Variants in COL25A1 observed in about 807,000 individuals in gnomAD.
COL25A1 encodes collagen type XXV alpha 1 chain.
COL25A1 carries 103 observed loss-of-function variants against 128.4 expected under a neutral mutation model. The ratio of observed to expected loss-of-function variants is 0.80; its 90% CI spans 0.68 to 0.94. The LOEUF is 0.94. COL25A1 is among the 40% of genes least tolerant of loss of function. The pLI, the probability that COL25A1 is intolerant of heterozygous loss-of-function variation, is 0.00. For missense variants in COL25A1, 745 were observed against 840.0 expected (o/e 0.89, Z 1.40); for synonymous variants, 279 against 277.2 (o/e 1.01, Z -0.06).
At chr4:109,091,792 C>T (rs1764932500) in intron 3 of COL25A1, among the ~76,000 whole-genome samples, 1 of 151,588 alleles carries the variant, frequency 6.6e-6, no homozygotes, top group South Asian at 2.1e-4. Context: ...CAGAGGGAAT[C>T]CATTTTAATC....
At chr4:109,238,150 G>A (rs1176024099) in intron 3 of COL25A1, among the ~76,000 whole-genome samples, 1 of 151,956 alleles carries the variant, frequency 6.6e-6, no homozygotes, top group Non-Finnish European at 1.5e-5. Flanking sequence ...TTGAGATCCT[G>A]TTTTCATTTC....
At chr4:108,814,176 A>G (rs1273976460) in intron 37 of COL25A1, among the ~76,000 whole-genome samples, 3 of 152,194 alleles carry the variant, frequency 2.0e-5, no homozygotes, top group African/African-American at 7.2e-5. Context: ...ACTGAGAATT[A>G]TCTTTCCTTT....
At chr4:108,841,529 T>TA (rs1734463048) in intron 31 of COL25A1, among the ~76,000 whole-genome samples, 166 bp downstream of exon 31, 1 of 152,222 alleles carries the variant, frequency 6.6e-6, no homozygotes, top group Non-Finnish European at 1.5e-5. Context: ...AAATTTGTTA[T>TA]AAGTCATTTT....
At chr4:109,039,615 C>G (rs796726270) in intron 5 of COL25A1, among the ~76,000 whole-genome samples, 6 of 152,322 alleles carry the variant, frequency 3.9e-5, no homozygotes, top group African/African-American at 1.2e-4. Context: ...GCATACTTCT[C>G]TCACAAGATT....
chr4:108,983,474 C>G (rs994235527), intron 6 of COL25A1, among the ~76,000 whole-genome samples: 4 of 152,120 alleles, frequency 2.6e-5, no homozygotes, highest in South Asian at 4.2e-4. Context: ...ATAATTTTAC[C>G]CGGGCTACTT....
intron 3 of COL25A1, among the ~76,000 whole-genome samples, chr4:109,176,845 C>A (rs1398039638): frequency 6.6e-6 from 1 of 152,060 alleles, no homozygotes; most frequent in Non-Finnish European, 1.5e-5. Context: ...GAGGCAGGAG[C>A]TCCACAAGGC....
At chr4:109,240,012 T>C (rs1276711724) in intron 3 of COL25A1, among the ~76,000 whole-genome samples, 2 of 152,054 alleles carry the variant, frequency 1.3e-5, no homozygotes, top group Admixed American at 1.3e-4. Context: ...TGGAAGGTCT[T>C]CAGGGGCAAT....
rs572939198 is a variant in COL25A1, at chr4:109,115,066, A to G, written c.368-64887T>C. Among the ~76,000 whole-genome samples the G allele has an allele frequency of 2.6e-4, 39 of 152,212 alleles. 1 individual carries two copies. In the South Asian group the frequency reaches 6.2e-3, roughly 24 times the overall value. ...AGTGAAATACTTGTAAAACAGAAAC[A>G]AAATACATTAAAATGTTTTTGGCCC... is the stretch of plus-strand genomic sequence containing the variant. On this transcript the variant is annotated intron_variant, in intron 3 of 37. Transcript: ENST00000399132.
At position 108,974,520 on chromosome 4, in the gene COL25A1, T is replaced by A. The variant is rs1359967773; in HGVS notation, c.465+13A>T. The A allele has an allele frequency of 6.2e-7, 1 of 1,610,816 alleles. No homozygotes were observed. The highest frequency in any genetic ancestry group is 8.5e-7 in the Non-Finnish European group (1 of 1,178,508). The stretch of plus-strand genomic sequence containing the variant: ...ATCTTCACTAACTTTATTTCTGGTA[T>A]GCATTTTCTTACCTTATCGCCTTTT... On this transcript the variant is annotated intron_variant, in intron 7 of 37. Transcript: ENST00000399132.
At chr4:108,946,222 C>T (rs919023380) in intron 8 of COL25A1, among the ~76,000 whole-genome samples, 1 of 152,064 alleles carries the variant, frequency 6.6e-6, no homozygotes, top group African/African-American at 2.4e-5. Flanking sequence ...GCAAGCCTAC[C>T]CCAAAGGGAT....
intron 8 of COL25A1, among the ~76,000 whole-genome samples, chr4:108,961,011 T>A (rs1339289968): frequency 6.6e-6 from 1 of 152,148 alleles, no homozygotes; most frequent in Non-Finnish European, 1.5e-5. Context: ...AAATACTTTT[T>A]AAAAAACAAT....
At chr4:109,295,400 T>C (rs1359321062) in intron 3 of COL25A1, among the ~76,000 whole-genome samples, 1 of 152,086 alleles carries the variant, frequency 6.6e-6, no homozygotes, top group Non-Finnish European at 1.5e-5. Context: ...ATTGTATTGT[T>C]TGGCCTTATA....
chr4:109,009,166 C>T (rs181031504), intron 6 of COL25A1, among the ~76,000 whole-genome samples: 38 of 152,242 alleles, frequency 2.5e-4, no homozygotes, highest in Non-Finnish European at 4.3e-4. Context: ...AGAAACTATG[C>T]GAAGCATCTT....
At chr4:108,935,920 G>A (rs1364842) in intron 11 of COL25A1, among the ~76,000 whole-genome samples, 27,887 of 151,898 alleles carry the variant, frequency 0.18, 2,729 homozygotes, top group Non-Finnish European at 0.21. Context: ...GGGTATCAGG[G>A]AAAAAAGCCA....
chr4:108,835,861 C>CTTTTT lies in COL25A1; in HGVS notation c.1657-3433_1657-3429dup, dbSNP rs1158184110. 4.6e-4 allele frequency among the ~76,000 whole-genome samples: 21 copies of CTTTTT among 45,722 alleles called. 1 individual carries two copies. In the South Asian group the frequency reaches 5.3e-3, roughly 11 times the overall value. The allele number at this position is 45,722 out of a possible 152,430, so 30.0% of individuals were successfully genotyped here. A position where few individuals can be genotyped will look rare whatever the true frequency, so the allele number is the denominator to read the frequency against. On this transcript the variant is annotated intron_variant, in intron 31 of 37. Transcript: ENST00000399132. ...GCCACAGTGCCCGGCTTACATACGT[C>CTTTTT]TTTTTTTTTTTTTTTTTTTTTTTTT...
At chr4:109,125,205 A>T (rs1579444414) in intron 3 of COL25A1, among the ~76,000 whole-genome samples, 1 of 152,164 alleles carries the variant, frequency 6.6e-6, no homozygotes, top group African/African-American at 2.4e-5. Flanking sequence ...GAGAGAAGGC[A>T]GGTAGTAGAT....
chr4:109,128,234 G>T (rs1446324481), intron 3 of COL25A1, among the ~76,000 whole-genome samples: 2 of 152,172 alleles, frequency 1.3e-5, no homozygotes, highest in African/African-American at 2.4e-5. Flanking sequence ...AAACAGATCT[G>T]CTGGCACATA....
chr4:109,131,686 A>G (rs79166066), intron 3 of COL25A1, among the ~76,000 whole-genome samples: 8,365 of 152,260 alleles, frequency 0.055, 392 homozygotes, highest in African/African-American at 0.12. Context: ...TCAGGAGAGC[A>G]GGAGTGTGAC....
chr4:108,957,100 C>T (rs1007804700), intron 8 of COL25A1, among the ~76,000 whole-genome samples: 5 of 152,112 alleles, frequency 3.3e-5, no homozygotes, highest in African/African-American at 1.2e-4. Flanking sequence ...TAAACAGACA[C>T]ATACACAGGT....
Sources: gnomAD v4.1 joint callset for allele counts (sites outside exome capture counted in the v4.1 genomes callset) on GRCh38, gnomAD v4.1.1 for gene constraint, MANE v1.5 for transcripts, NCBI Gene and HGNC (gene_info 2026-07-23, HGNC 2026-07-21) for gene names.